AADACL2: variants seen among roughly 807,000 people sequenced by gnomAD.
AADACL2 encodes arylacetamide deacetylase-like 2.
AADACL2 carries 23 observed loss-of-function variants against 22.3 expected under a neutral mutation model. The observed-to-expected ratio is 1.03, with a 90% CI of 0.74 to 1.46. The LOEUF is 1.46. Ranked by LOEUF, AADACL2 falls within the 40% of genes most tolerant of loss-of-function variation. The probability of loss-of-function intolerance (pLI) is 0.00; values close to 1 mark genes in which losing one functional copy is unlikely to be tolerated. For missense variants in AADACL2, 472 were observed against 482.9 expected (o/e 0.98, Z 0.21); for synonymous variants, 177 against 166.2 (o/e 1.07, Z -0.50).
chr3:151,749,409 A>G lies in AADACL2; in HGVS notation c.603+3729A>G, dbSNP rs933948572. Reference sequence around the variant, plus strand: ...TGTATCCTGCAACTTTACTGAATTTATTTACTTGTACTAACAGATTTTTGG... The same window carrying G: ...TGTATCCTGCAACTTTACTGAATTTGTTTACTTGTACTAACAGATTTTTGG... On this transcript the variant is annotated intron_variant, in intron 4 of 4. Transcript: ENST00000356517. 2.0e-5 allele frequency among the ~76,000 whole-genome samples: 3 copies of G among 152,158 alleles called. No individual in the cohort carries two copies. The East Asian group carries it at 5.8e-4, about 29-fold the overall frequency.
At chr3:151,747,157 T>C (rs574974738) in intron 4 of AADACL2, among the ~76,000 whole-genome samples, 2 of 152,198 alleles carry the variant, frequency 1.3e-5, no homozygotes, top group Non-Finnish European at 2.9e-5. Flanking sequence ...CAACATGATG[T>C]TTTGATATAT....
rs138966867 is a variant in AADACL2, at chr3:151,755,858, C to T, written c.604-1134C>T. On this transcript the variant is annotated intron_variant, in intron 4 of 4. Coordinates refer to ENST00000356517, the MANE Select transcript of AADACL2 (RefSeq NM_207365.4). ...CTGAGGGTGGGCTATTGATAGCAAT[C>T]TTTGATTAGTAAATTATCTACCTAA... is the stretch of plus-strand genomic sequence containing the variant. 3.2e-3 allele frequency among the ~76,000 whole-genome samples: 492 copies of T among 152,116 alleles called. 1 individual carries two copies. The highest frequency in any genetic ancestry group is 0.011 in the African/African-American group (475 of 41,498).
chr3:151,759,837 G>C lies in AADACL2; in HGVS notation c.*2243G>C, dbSNP rs982433938. 1 of 152,064 alleles carries C rather than the reference G, an allele frequency of 6.6e-6. No individual in the cohort carries two copies. The highest frequency in any genetic ancestry group is 2.4e-5 in the African/African-American group (1 of 41,424). The allele number at this position is 152,064 out of a possible 1,614,324, so 9.4% of individuals were successfully genotyped here. ...TCACTGGGTCTTACTTTCAAAGTTT[G>C]TTCCATTTTGTGTGGTGGCATGAGC... On this transcript the variant is annotated 3_prime_UTR_variant, in exon 5 of 5. Coordinates refer to ENST00000356517, the MANE Select transcript of AADACL2 (RefSeq NM_207365.4).
chr3:151,736,384 G>A (rs530010066), intron 1 of AADACL2, among the ~76,000 whole-genome samples: 4 of 149,906 alleles, frequency 2.7e-5, no homozygotes, highest in South Asian at 2.1e-4. Flanking sequence ...GTATACATGT[G>A]CCATGGTGGT....
intron 1 of AADACL2, among the ~76,000 whole-genome samples, chr3:151,739,546 T>G (rs954786823): frequency 2.0e-5 from 3 of 152,196 alleles, no homozygotes; most frequent in Admixed American, 6.5e-5. Flanking sequence ...ATTCTCCTTC[T>G]CAGGATCAGC....
intron 1 of AADACL2, among the ~76,000 whole-genome samples, chr3:151,739,486 T>C (rs1471997126): frequency 6.6e-6 from 1 of 152,156 alleles, no homozygotes; most frequent in Non-Finnish European, 1.5e-5. Context: ...AGCGAACCAT[T>C]TGAGGAGACA....
chr3:151,734,112 A>C lies in AADACL2; in HGVS notation c.77A>C (p.Asn26Thr). Residue 26 changes from asparagine to threonine, a missense_variant, in exon 1 of 5, where the codon AAC becomes ACC. Physicochemically the swap from Asn to Thr is moderately conservative, Grantham distance 65. This residue lies in a region of AADACL2 where 356 missense variants were observed against 365.5 expected (regional missense o/e 0.97). Coordinates refer to ENST00000356517, the MANE Select transcript of AADACL2 (RefSeq NM_207365.4). ...VSHFYTPMPD[N>T]IEESWKIMAL... The stretch of plus-strand genomic sequence containing the variant: ...CATTTTTACACACCCATGCCAGACA[A>C]CATTGAAGAAAGCTGGAAAATAATG... The C allele has an allele frequency of 6.2e-7, 1 of 1,613,684 alleles. No individual in the cohort carries two copies. Among genetic ancestry groups the C allele is most frequent in the Non-Finnish European group, 8.5e-7 (1 of 1,179,810 alleles).
chr3:151,742,087 TA>T, intron 2 of AADACL2, among the ~76,000 whole-genome samples: 1 of 152,174 alleles, frequency 6.6e-6, no homozygotes, highest in Non-Finnish European at 1.5e-5. Flanking sequence ...AAATAGACAT[TA>T]TAACTATTTT....
rs765922865 is a variant in AADACL2, at chr3:151,757,045, C to T, written c.657C>T (p.Tyr219=). Residue 219 remains tyrosine (Y), a synonymous_variant, in exon 5 of 5, where the codon TAC becomes TAT. Transcript: ENST00000356517. ...KHKIKMQVLL[Y]PGLQITDSYL... The stretch of plus-strand genomic sequence containing the variant: ...AAATCAAGATGCAAGTCTTACTTTA[C>T]CCTGGCTTACAGATAACAGATTCTT... The T allele has an allele frequency of 6.2e-7, 1 of 1,611,650 alleles. No homozygotes were observed.
chr3:151,752,389 C>T (rs926130708), intron 4 of AADACL2, among the ~76,000 whole-genome samples: 1 of 152,120 alleles, frequency 6.6e-6, no homozygotes, highest in East Asian at 1.9e-4. Context: ...GGACTTGGTC[C>T]ACTTTTCAAT....
chr3:151,745,112 C>T (rs1346922039), intron 3 of AADACL2, among the ~76,000 whole-genome samples: 1 of 152,056 alleles, frequency 6.6e-6, no homozygotes, highest in Non-Finnish European at 1.5e-5. Flanking sequence ...ACACTGCCTA[C>T]AATATGCTCT....
intron 4 of AADACL2, among the ~76,000 whole-genome samples, chr3:151,754,575 A>G (rs1407090695): frequency 6.6e-6 from 1 of 151,714 alleles, no homozygotes; most frequent in Non-Finnish European, 1.5e-5. Context: ...TGTTTTCATG[A>G]AAATAAAGTT....
chr3:151,748,289 G>A (rs1404909873), intron 4 of AADACL2, among the ~76,000 whole-genome samples: 6 of 152,034 alleles, frequency 3.9e-5, no homozygotes, highest in African/African-American at 1.4e-4. Flanking sequence ...GTTGATTTTT[G>A]TATATGAAAT....
intron 1 of AADACL2, among the ~76,000 whole-genome samples, chr3:151,739,357 C>T (rs1713199455): frequency 6.6e-6 from 1 of 152,220 alleles, no homozygotes; most frequent in Admixed American, 6.5e-5. Context: ...CTGCTTGCTC[C>T]TTCCTCTGGA....
At position 151,734,886 on chromosome 3, in the gene AADACL2, T is replaced by C. The variant is rs76095645; in HGVS notation, c.138+713T>C. 1.5e-3 allele frequency among the ~76,000 whole-genome samples: 224 copies of C among 152,286 alleles called. 1 individual carries two copies. The highest frequency in any genetic ancestry group is 5.2e-3 in the African/African-American group (216 of 41,566). On this transcript the variant is annotated intron_variant, in intron 1 of 4. Transcript: ENST00000356517. ...AGTAACAACTCCATAATTTGAACTA[T>C]AAACTGTCTCATTTTGAAACCCATA...
chr3:151,761,165 ATATATATT>A lies in AADACL2; in HGVS notation c.*3579_*3586del, dbSNP rs1336583129. On this transcript the variant is annotated 3_prime_UTR_variant, in exon 5 of 5. Transcript: ENST00000356517. Reference sequence around the variant, plus strand: ...GTGAGATATATATATATATGGTGAGATATATATTTATATATATGGTGAGATATATACAT... The same window carrying A: ...GTGAGATATATATATATATGGTGAGATATATATATGGTGAGATATATACAT... 2 of 98,704 alleles carry A rather than the reference ATATATATT, an allele frequency of 2.0e-5. No individual in the cohort carries two copies. Among genetic ancestry groups the A allele is most frequent in the African/African-American group, 4.0e-5 (1 of 24,784 alleles). 6.1% of individuals were successfully genotyped at this position (98,704 alleles called of 1,614,324 possible).
intron 4 of AADACL2, among the ~76,000 whole-genome samples, chr3:151,755,936 T>C (rs1176238981): frequency 6.6e-6 from 1 of 152,098 alleles, no homozygotes. Context: ...GATAACTTTG[T>C]TTTGGCTCAT....
intron 4 of AADACL2, among the ~76,000 whole-genome samples, chr3:151,750,039 T>C (rs1210500811): frequency 6.6e-6 from 1 of 152,186 alleles, no homozygotes; most frequent in Non-Finnish European, 1.5e-5. Flanking sequence ...TGAGAGTTTG[T>C]ATAATGAAAA....
chr3:151,747,690 C>A (rs56166845), intron 4 of AADACL2, among the ~76,000 whole-genome samples: 28,937 of 151,420 alleles, frequency 0.19, 2,828 homozygotes, highest in East Asian at 0.27. Context: ...ATCCGGCTGA[C>A]AAACAGTTTG....
Sources: allele counts gnomAD v4.1 joint callset (sites outside exome capture counted in the v4.1 genomes callset), GRCh38; gene constraint gnomAD v4.1.1; regional missense constraint gnomAD v4.1.1; transcripts MANE v1.5; gene names NCBI Gene and HGNC (gene_info 2026-07-23, HGNC 2026-07-21).